Variants in FXYD6 observed in about 807,000 individuals in gnomAD.
FXYD6 encodes FXYD domain containing ion transport regulator 6.
A neutral mutation model predicts 16.7 loss-of-function variants in FXYD6; 7 were observed. The ratio of observed to expected loss-of-function variants is 0.42; its 90% confidence interval spans 0.24 to 0.79. The LOEUF is 0.79. FXYD6 is among the 30% of genes least tolerant of loss of function. FXYD6 has a pLI of 0.28. For synonymous variants in FXYD6, 49 were observed against 43.0 expected, an observed-to-expected ratio of 1.14 and a Z score of -0.54; for missense variants, 111 against 116.2, an observed-to-expected ratio of 0.95 and a Z score of 0.21.
chr11:117,844,269 C>T (rs943236958), intron 1 of FXYD6: 1 of 152,312 alleles, frequency 6.6e-6, no homozygotes, highest in South Asian at 2.1e-4. Flanking sequence ...TCATTTCACA[C>T]TTGTATTTCC....
At chr11:117,871,387 C>T (rs954020623) in intron 1 of FXYD6, among the ~76,000 whole-genome samples, 4 of 146,220 alleles carry the variant, frequency 2.7e-5, no homozygotes, top group Admixed American at 6.8e-5. Flanking sequence ...GCTTTCTCCA[C>T]GTGTCTGACA....
intron 1 of FXYD6, among the ~76,000 whole-genome samples, chr11:117,847,775 T>C (rs978560498): frequency 6.6e-5 from 10 of 152,188 alleles, no homozygotes; most frequent in African/African-American, 2.2e-4. Context: ...TGTTGGATAT[T>C]TGGGTTGGTT....
In FXYD6 at chr11:117,842,748, C is replaced by T. The variant is rs986273885; in HGVS notation, c.29G>A (p.Ser10Asn). 2.5e-6 allele frequency: 4 copies of T among 1,570,048 alleles called. No individual in the cohort carries two copies. The highest frequency in any genetic ancestry group is 3.5e-6 in the Non-Finnish European group (4 of 1,156,822). ...GGCCAGGACCATGGGGGCCAGCAGG[C>T]TGCAGAGGAAGACCAGCACCAACTC... MELVLVFLC[S>N]LLAPMVLASA... The change falls in exon 2 of 8, where the codon AGC (serine) becomes AAC (asparagine). Residue 10 changes from serine to asparagine, a missense_variant. By Grantham distance (46) the Ser-to-Asn change is conservative. Coordinates refer to ENST00000526014, the MANE Select transcript of FXYD6 (RefSeq NM_022003.4).
chr11:117,854,531 G>C (rs541792778), intron 1 of FXYD6, among the ~76,000 whole-genome samples: 6 of 152,208 alleles, frequency 3.9e-5, no homozygotes, highest in Non-Finnish European at 8.8e-5. Context: ...TTCTGCAAAG[G>C]ATAAGTAGGT....
chr11:117,864,094 A>G (rs1272368811), intron 1 of FXYD6, among the ~76,000 whole-genome samples: 1 of 152,212 alleles, frequency 6.6e-6, no homozygotes, highest in Non-Finnish European at 1.5e-5. Flanking sequence ...AAATAAAAAA[A>G]TCTATGCTAA....
intron 1 of FXYD6, among the ~76,000 whole-genome samples, chr11:117,848,175 C>T (rs940832620): frequency 2.0e-5 from 3 of 152,162 alleles, no homozygotes; most frequent in East Asian, 3.8e-4. Flanking sequence ...GCACACAACA[C>T]GTGCACACTC....
intron 1 of FXYD6, among the ~76,000 whole-genome samples, chr11:117,866,438 C>A (rs1341833713): frequency 6.6e-6 from 1 of 152,140 alleles, no homozygotes; most frequent in Non-Finnish European, 1.5e-5. Flanking sequence ...GAAGAATAAC[C>A]CAAAATACAG....
At chr11:117,840,088 T>C in intron 6 of FXYD6, 1 of 641,974 alleles carries the variant, frequency 1.6e-6, no homozygotes, top group South Asian at 1.9e-5. Flanking sequence ...TTAAATGATA[T>C]GGGGTCTGTG....
intron 1 of FXYD6, among the ~76,000 whole-genome samples, chr11:117,859,053 G>T (rs1401757439): frequency 1.3e-5 from 2 of 152,146 alleles, no homozygotes; most frequent in Admixed American, 6.6e-5. Flanking sequence ...TGGGATTACA[G>T]ATGTGAGCCA....
intron 1 of FXYD6, among the ~76,000 whole-genome samples, chr11:117,871,129 T>G (rs1270886281): frequency 6.6e-6 from 1 of 152,188 alleles, no homozygotes; most frequent in Non-Finnish European, 1.5e-5. Flanking sequence ...GGAATCAGCC[T>G]CTCTCCTTTG....
chr11:117,869,419 G>C (rs577200705), intron 1 of FXYD6, among the ~76,000 whole-genome samples: 1 of 152,172 alleles, frequency 6.6e-6, no homozygotes, highest in South Asian at 2.1e-4. Flanking sequence ...CCAACGGCTC[G>C]AATGCTGCCC....
At chr11:117,874,585 C>T (rs984793155) in intron 1 of FXYD6, among the ~76,000 whole-genome samples, 1 of 152,228 alleles carries the variant, frequency 6.6e-6, no homozygotes, top group African/African-American at 2.4e-5. Context: ...CTGGCCTGGC[C>T]TCCTTGGCTT....
At chr11:117,840,429 C>T (rs767958686) in intron 5 of FXYD6, 61 bp from the exon 6 acceptor site, 2 of 1,610,074 alleles carry the variant, frequency 1.2e-6, no homozygotes, top group Middle Eastern at 1.7e-4. Context: ...CAGAGAGCAT[C>T]GTTCTGCTCC....
At chr11:117,874,235 A>G (rs959918050) in intron 1 of FXYD6, among the ~76,000 whole-genome samples, 13 of 152,244 alleles carry the variant, frequency 8.5e-5, no homozygotes, top group South Asian at 2.1e-4. Flanking sequence ...GACACTTAAA[A>G]CAGTTCTTTG....
chr11:117,865,148 C>G (rs1375126241), intron 1 of FXYD6, among the ~76,000 whole-genome samples: 1 of 152,086 alleles, frequency 6.6e-6, no homozygotes, highest in African/African-American at 2.4e-5. Flanking sequence ...AAATGCAAAT[C>G]AAAACTACAA....
At chr11:117,838,930 T>G (rs3168238) in intron 7 of FXYD6, 6,093 of 154,504 alleles carry the variant, frequency 0.039, 184 homozygotes, top group Non-Finnish European at 0.06. Context: ...TGAGATAAAC[T>G]TATATACCTT....
chr11:117,839,857 A>G lies in FXYD6; in HGVS notation c.260-27T>C, dbSNP rs533504488. 352 of 1,614,110 alleles carry G rather than the reference A, an allele frequency of 2.2e-4. 2 individuals are homozygous for G. In the South Asian group the frequency reaches 3.7e-3, roughly 17 times the overall value. ...TGGAAAGAAAACCAGAATGGATTAT[A>G]GTGTATAGACTCCTCACCCCCGTGG... On this transcript the variant is annotated intron_variant, in intron 6 of 7. Transcript: ENST00000526014.
chr11:117,844,756 G>T (rs895292022), intron 1 of FXYD6, among the ~76,000 whole-genome samples: 1 of 152,172 alleles, frequency 6.6e-6, no homozygotes, highest in South Asian at 2.1e-4. Flanking sequence ...CTCCCAGAGC[G>T]CTGGAATTAC....
chr11:117,848,450 T>C (rs2056526728), intron 1 of FXYD6, among the ~76,000 whole-genome samples: 1 of 152,048 alleles, frequency 6.6e-6, no homozygotes, highest in Non-Finnish European at 1.5e-5. Flanking sequence ...ACATTTTGTT[T>C]AGGATTTTTG....
Sources: allele counts gnomAD v4.1 joint callset (sites outside exome capture counted in the v4.1 genomes callset), GRCh38; gene constraint gnomAD v4.1.1; transcripts MANE v1.5; gene names NCBI Gene and HGNC (gene_info 2026-07-23, HGNC 2026-07-21).